The following ATP1B1 variants were observed in gnomAD, a reference collection of about 807,000 sequenced individuals.
ATP1B1 encodes sodium/potassium-transporting ATPase subunit beta-1.
In ATP1B1, 3 loss-of-function variants were observed where a neutral mutation model predicts 39.6. That is an observed-to-expected ratio of 0.08 (90% confidence interval 0.03 to 0.20). The LOEUF (loss-of-function observed/expected upper bound fraction) is 0.20, where lower values mean the gene tolerates loss of function less well. ATP1B1 is among the 10% of genes least tolerant of loss of function. The pLI, the probability that ATP1B1 is intolerant of heterozygous loss-of-function variation, is 1.00. For synonymous variants in ATP1B1, 139 were observed against 135.0 expected, an observed-to-expected ratio of 1.03 and a Z score of -0.20; for missense variants, 216 against 371.1, an observed-to-expected ratio of 0.58 and a Z score of 3.43.
chr1:169,123,637 GT>G (rs563719087), intron 2 of ATP1B1, among the ~76,000 whole-genome samples: 3,627 of 144,572 alleles, frequency 0.025, 144 homozygotes, highest in African/African-American at 0.085. Flanking sequence ...ATATATATAG[GT>G]TTTTTTTTTT....
intron 3 of ATP1B1, among the ~76,000 whole-genome samples, chr1:169,126,225 A>G (rs1396653020): frequency 6.6e-6 from 1 of 152,246 alleles, no homozygotes; most frequent in Non-Finnish European, 1.5e-5. Flanking sequence ...CTTTGCAGTA[A>G]TTAAAAGGCC....
intron 1 of ATP1B1, among the ~76,000 whole-genome samples, chr1:169,108,375 G>A (rs1025315372): frequency 2.6e-5 from 4 of 152,160 alleles, no homozygotes; most frequent in Non-Finnish European, 2.9e-5. Flanking sequence ...GAACTGTGGG[G>A]TGTGTGTAGA....
Position 169,131,358 on chromosome 1 carries a change from C to T in ATP1B1, c.715C>T (p.Pro239Ser), listed in dbSNP as rs1360248836. ...TGGACTGGGCAACTCCCCTGGTTTT[C>T]CTCTGCAGTATTATCCGTACTATGG... is the stretch of plus-strand genomic sequence containing the variant. ...YFGLGNSPGF[P>S]LQYYPYYGKL... The change falls in exon 6 of 6, where the codon CCT becomes TCT. Residue 239 changes from proline to serine, a missense_variant. Physicochemically the swap from Pro to Ser is moderately conservative, Grantham distance 74 (BLOSUM62 -1). Coordinates refer to ENST00000367815, the MANE Select transcript of ATP1B1 (RefSeq NM_001677.4). The surrounding 1 kb of genome is among the most constrained non-coding windows in gnomAD (Gnocchi z 4.4). 1.9e-6 allele frequency: 3 copies of T among 1,614,036 alleles called. No homozygotes were observed. The highest frequency in any genetic ancestry group is 2.5e-6 in the Non-Finnish European group (3 of 1,180,034).
chr1:169,125,447 C>T (rs1181866104), intron 3 of ATP1B1, among the ~76,000 whole-genome samples: 1 of 152,204 alleles, frequency 6.6e-6, no homozygotes, highest in Admixed American at 6.5e-5. Flanking sequence ...GATTAGCTAT[C>T]ACTGCACTGG....
intron 1 of ATP1B1, among the ~76,000 whole-genome samples, chr1:169,110,202 A>G (rs530535078): frequency 1.3e-5 from 2 of 152,136 alleles, no homozygotes; most frequent in East Asian, 3.9e-4. Context: ...AAATGTATGG[A>G]CAGGGCAACA....
chr1:169,122,769 T>C (rs765738658), intron 2 of ATP1B1, among the ~76,000 whole-genome samples: 2 of 131,834 alleles, frequency 1.5e-5, no homozygotes, highest in African/African-American at 2.8e-5. Context: ...TTTTTTTTTT[T>C]TAATTGCGAT....
intron 1 of ATP1B1, among the ~76,000 whole-genome samples, chr1:169,110,130 T>C (rs1657696328): frequency 6.6e-6 from 1 of 152,184 alleles, no homozygotes; most frequent in South Asian, 2.1e-4. Context: ...TTGCTTGTTT[T>C]AACAGCTCTG....
chr1:169,111,091 T>C (rs1370237023), intron 1 of ATP1B1, among the ~76,000 whole-genome samples: 3 of 152,226 alleles, frequency 2.0e-5, no homozygotes, highest in Admixed American at 6.5e-5. Flanking sequence ...GGATACTTTT[T>C]TTAAAATTTA....
intron 2 of ATP1B1, among the ~76,000 whole-genome samples, chr1:169,113,746 T>G (rs572793333): frequency 5.3e-5 from 8 of 152,208 alleles, no homozygotes; most frequent in South Asian, 2.1e-4. Context: ...TGGACTGACC[T>G]GACAAACCCT....
intron 1 of ATP1B1, among the ~76,000 whole-genome samples, chr1:169,110,058 T>C (rs1441514258): frequency 1.3e-5 from 2 of 152,164 alleles, no homozygotes; most frequent in East Asian, 1.9e-4. Context: ...TTCCTTGTTA[T>C]TTGCTTTTGA....
At chr1:169,122,071 TC>T (rs1657989955) in intron 2 of ATP1B1, among the ~76,000 whole-genome samples, 1 of 152,176 alleles carries the variant, frequency 6.6e-6, no homozygotes, top group African/African-American at 2.4e-5. Flanking sequence ...CCATTTCTGT[TC>T]CTGACTCCCA....
At chr1:169,129,575 A>C (rs1658160432) in intron 4 of ATP1B1, among the ~76,000 whole-genome samples, 1 of 152,252 alleles carries the variant, frequency 6.6e-6, no homozygotes, top group African/African-American at 2.4e-5. Flanking sequence ...TGCTTGAGGG[A>C]AAAGGATGAC....
At chr1:169,118,482 C>T (rs1657902930) in intron 2 of ATP1B1, among the ~76,000 whole-genome samples, 1 of 152,158 alleles carries the variant, frequency 6.6e-6, no homozygotes, top group South Asian at 2.1e-4. Flanking sequence ...GGCTAGTTTC[C>T]AGAAAGTGCA....
At chr1:169,113,396 A>C (rs760212443) in intron 2 of ATP1B1, among the ~76,000 whole-genome samples, 4 of 152,118 alleles carry the variant, frequency 2.6e-5, no homozygotes, top group African/African-American at 4.8e-5. Context: ...TTATACTCAA[A>C]GCCAAATACG....
intron 1 of ATP1B1, among the ~76,000 whole-genome samples, chr1:169,108,460 C>T (rs12079336): frequency 0.027 from 4,049 of 152,168 alleles, 204 homozygotes; most frequent in African/African-American, 0.093. Flanking sequence ...GCACCCTTCT[C>T]CCCAGGTTAG....
chr1:169,130,399 C>CT (rs200854788), intron 5 of ATP1B1, among the ~76,000 whole-genome samples: 1 of 33,050 alleles, frequency 3.0e-5, no homozygotes, highest in African/African-American at 6.8e-5. Flanking sequence ...CACAGAAGTA[C>CT]TTTCTGGCCC....
intron 2 of ATP1B1, among the ~76,000 whole-genome samples, chr1:169,114,607 A>C (rs1377458725): frequency 6.6e-6 from 1 of 152,232 alleles, no homozygotes; most frequent in Non-Finnish European, 1.5e-5. Flanking sequence ...GAGGCCAAAC[A>C]TGAAATCTGA....
In ATP1B1 at chr1:169,132,029, T is replaced by TG. The variant is rs1452313243; in HGVS notation, c.*474_*475insG. On this transcript the variant is annotated 3_prime_UTR_variant, in exon 6 of 6. Coordinates refer to ENST00000367815, the MANE Select transcript of ATP1B1 (RefSeq NM_001677.4). ...AAAACTGGCATGGTAATTTTTTTTT[T>TG]TTTTTTTTTTTTGTTTTTTGGCTCT... is the stretch of plus-strand genomic sequence containing the variant. 3.2e-5 allele frequency: 8 copies of TG among 252,336 alleles called. No homozygotes were observed. The Admixed American group carries it at 3.9e-4, about 12-fold the overall frequency. The allele number at this position is 252,336 out of a possible 1,614,324, so 15.6% of individuals were successfully genotyped here.
At position 169,127,215 on chromosome 1, in the gene ATP1B1, T is replaced by C; in HGVS notation, c.383-9T>C. 2 of 1,560,738 alleles carry C rather than the reference T, an allele frequency of 1.3e-6. No individual in the cohort carries two copies. The highest frequency in any genetic ancestry group is 1.7e-6 in the Non-Finnish European group (2 of 1,162,800). On this transcript the variant is annotated splice_polypyrimidine_tract_variant and intron_variant, in intron 3 of 5. Transcript: ENST00000367815. ...TGGTACAATATAAAAGTTGTGTTTT[T>C]ATTTTTAGATGTGCCCAGTGAACCG...
Sources: gnomAD v4.1 joint callset for allele counts (sites outside exome capture counted in the v4.1 genomes callset) on GRCh38, gnomAD v4.1.1 for gene constraint, Gnocchi (gnomAD v3.1) non-coding constraint, MANE v1.5 for transcripts, NCBI Gene and HGNC (gene_info 2026-07-23, HGNC 2026-07-21) for gene names.